Variants in EIF2AK2 observed in about 807,000 individuals in gnomAD.
The protein encoded by EIF2AK2 is interferon-induced, double-stranded RNA-activated protein kinase.
A neutral mutation model predicts 70.5 loss-of-function variants in EIF2AK2; 40 were observed. That is an observed-to-expected ratio of 0.57 (90% CI 0.44 to 0.74). The LOEUF (loss-of-function observed/expected upper bound fraction) is 0.74, where lower values mean the gene tolerates loss of function less well. Ranked by LOEUF, EIF2AK2 falls within the 30% of genes least tolerant of loss-of-function variation. The pLI is 0.00. For synonymous variants in EIF2AK2, 198 were observed against 220.9 expected (o/e 0.90, Z 0.92); for missense variants, 555 against 644.3 (o/e 0.86, Z 1.50).
chr2:37,116,535 A>G (rs930653457), intron 13 of EIF2AK2, among the ~76,000 whole-genome samples: 1 of 152,226 alleles, frequency 6.6e-6, no homozygotes. Context: ...CCTACCTAGT[A>G]AGGACCTAAG....
intron 5 of EIF2AK2, among the ~76,000 whole-genome samples, chr2:37,140,634 A>C (rs1035380341): frequency 6.7e-6 from 1 of 148,398 alleles, no homozygotes; most frequent in Non-Finnish European, 1.5e-5. Flanking sequence ...TCTTTCTTTT[A>C]GGTATCTAAT....
At chr2:37,138,664 C>T in intron 6 of EIF2AK2, 79 bp from the exon 7 acceptor site, 1 of 1,205,236 alleles carries the variant, frequency 8.3e-7, no homozygotes, top group Non-Finnish European at 1.2e-6. Context: ...TATGTACTAT[C>T]ACATTTATTT....
intron 13 of EIF2AK2, among the ~76,000 whole-genome samples, chr2:37,118,705 A>G (rs980737853): frequency 2.0e-5 from 3 of 152,222 alleles, no homozygotes; most frequent in Non-Finnish European, 2.9e-5. Flanking sequence ...TAGAAGAGAC[A>G]TATTGGAACC....
In EIF2AK2 at chr2:37,102,534, C is replaced by T. The variant is rs1028097616; in HGVS notation, c.*4739G>A. On this transcript the variant is annotated 3_prime_UTR_variant, in exon 17 of 17. Coordinates refer to ENST00000233057, the MANE Select transcript of EIF2AK2 (RefSeq NM_001135651.3). ...CTAGTTAGTTAACAGATAGTAGAGA[C>T]CTGGAAAAGCTTGTATGTAGCCTTT... 2.6e-5 allele frequency: 4 copies of T among 152,012 alleles called. No individual in the cohort carries two copies. The highest frequency in any genetic ancestry group is 4.8e-5 in the African/African-American group (2 of 41,368). The allele number at this position is 152,012 out of a possible 1,614,324, so 9.4% of individuals were successfully genotyped here.
chr2:37,138,784 G>A (rs555287498), intron 6 of EIF2AK2, among the ~76,000 whole-genome samples, 199 bp from the exon 7 acceptor site: 1 of 152,062 alleles, frequency 6.6e-6, no homozygotes, highest in Non-Finnish European at 1.5e-5. Context: ...CTGGATCACA[G>A]GGCAGATATT....
chr2:37,148,476 C>T (rs1354595303), intron 2 of EIF2AK2: 10 of 509,186 alleles, frequency 2.0e-5, no homozygotes, highest in Admixed American at 5.9e-5. Context: ...GTGATCAGCC[C>T]GTGACCTAGA....
chr2:37,139,581 T>A, intron 6 of EIF2AK2, 50 bp downstream of exon 6: 2 of 1,592,674 alleles, frequency 1.3e-6, no homozygotes, highest in Non-Finnish European at 1.7e-6. Context: ...TCAAGTCAAC[T>A]TCAGAGGGAA....
chr2:37,120,170 T>A (rs368406501), intron 12 of EIF2AK2, 31 bp from the exon 13 acceptor site: 13 of 1,265,194 alleles, frequency 1.0e-5, no homozygotes, highest in African/African-American at 1.6e-5. Flanking sequence ...ATGTTAAAAG[T>A]AACAATAAAT....
At chr2:37,147,129 A>G (rs1675573730) in intron 3 of EIF2AK2, among the ~76,000 whole-genome samples, 156 bp from the exon 4 acceptor site, 2 of 152,164 alleles carry the variant, frequency 1.3e-5, no homozygotes, top group South Asian at 4.1e-4. Context: ...GTAAAGCAGC[A>G]TGTCTTGTTG....
chr2:37,143,601 T>C (rs894885762), intron 4 of EIF2AK2, among the ~76,000 whole-genome samples: 2 of 152,046 alleles, frequency 1.3e-5, no homozygotes, highest in Non-Finnish European at 2.9e-5. Context: ...CAACTACTTA[T>C]AGCTGGGTGT....
intron 10 of EIF2AK2, among the ~76,000 whole-genome samples, chr2:37,127,517 A>T (rs1674784321): frequency 6.6e-6 from 1 of 152,010 alleles, no homozygotes; most frequent in Non-Finnish European, 1.5e-5. Flanking sequence ...CATTGCACTC[A>T]AAGCACACAC....
In EIF2AK2 at chr2:37,106,817, G is replaced by A. The variant is rs1166080240; in HGVS notation, c.*456C>T. The A allele has an allele frequency of 6.5e-6, 1 of 153,098 alleles. No individual in the cohort carries two copies. Among genetic ancestry groups the A allele is most frequent in the Non-Finnish European group, 1.5e-5 (1 of 68,830 alleles). The allele number at this position is 153,098 out of a possible 1,614,324, so 9.5% of individuals were successfully genotyped here. A position where few individuals can be genotyped will look rare whatever the true frequency, so the allele number is the denominator to read the frequency against. ...CCAGCACTTTGGGAGGCCGAGGCAGGTGGATTACTTGAGGTCAGGAGTTTG... is the reference window on the plus strand; with the variant it reads ...CCAGCACTTTGGGAGGCCGAGGCAGATGGATTACTTGAGGTCAGGAGTTTG... On this transcript the variant is annotated 3_prime_UTR_variant, in exon 17 of 17. Transcript: ENST00000233057.
At chr2:37,124,302 C>A (rs1296570640) in intron 11 of EIF2AK2, among the ~76,000 whole-genome samples, 1 of 152,094 alleles carries the variant, frequency 6.6e-6, no homozygotes, top group East Asian at 1.9e-4. Context: ...TGCTTTGTCG[C>A]CCAGGCTGGA....
chr2:37,103,493 G>A lies in EIF2AK2; in HGVS notation c.*3780C>T, dbSNP rs1483165346. 2.0e-5 allele frequency: 3 copies of A among 152,180 alleles called. No homozygotes were observed. Among genetic ancestry groups the A allele is most frequent in the African/African-American group, 7.2e-5 (3 of 41,442 alleles). The allele number at this position is 152,180 out of a possible 1,614,324, so 9.4% of individuals were successfully genotyped here. ...TTATAGGCGTGAGCCACCATGCCCA[G>A]CCAGAGTAGGAATATTAAAATGAGG... On this transcript the variant is annotated 3_prime_UTR_variant, in exon 17 of 17. Coordinates refer to ENST00000233057, the MANE Select transcript of EIF2AK2 (RefSeq NM_001135651.3).
chr2:37,128,553 T>C (rs1002894482), intron 10 of EIF2AK2, among the ~76,000 whole-genome samples: 3 of 152,216 alleles, frequency 2.0e-5, no homozygotes, highest in Non-Finnish European at 2.9e-5. Flanking sequence ...GATAGTGCAA[T>C]GTCAATTAAA....
Position 37,107,032 on chromosome 2 carries a change from A to T in EIF2AK2, c.*241T>A. 3.1e-6 allele frequency: 1 copy of T among 323,942 alleles called. No individual in the cohort carries two copies. The highest frequency in any genetic ancestry group is 5.0e-6 in the Non-Finnish European group (1 of 200,854). 20.1% of individuals were successfully genotyped at this position (323,942 alleles called of 1,614,324 possible). A position where few individuals can be genotyped will look rare whatever the true frequency, so the allele number is the denominator to read the frequency against. ...ACTCCAGCCTGGGCAACAGAGCGAG[A>T]CTCTGTCTTTAAAAAAAAAAAAAGA... On this transcript the variant is annotated 3_prime_UTR_variant, in exon 17 of 17. Coordinates refer to ENST00000233057, the MANE Select transcript of EIF2AK2 (RefSeq NM_001135651.3).
Position 37,135,537 on chromosome 2 carries a change from T to G in EIF2AK2, c.732A>C (p.Ala244=). 1 of 1,610,218 alleles carries G rather than the reference T, an allele frequency of 6.2e-7. No homozygotes were observed. Among genetic ancestry groups the G allele is most frequent in the Non-Finnish European group, 8.5e-7 (1 of 1,178,376 alleles). Residue 244 remains alanine, a synonymous_variant, in exon 10 of 17, where the codon GCA becomes GCC. Coordinates refer to ENST00000233057, the MANE Select transcript of EIF2AK2 (RefSeq NM_001135651.3). ...NNQRKAKRSL[A]PRFDLPDMKE... ...TCATGTCAGGAAGGTCAAATCTGGG[T>G]GCCAAAGATCTAAAAATTAAGAGTT... is the stretch of plus-strand genomic sequence containing the variant.
chr2:37,151,730 T>C (rs909498564), intron 1 of EIF2AK2, among the ~76,000 whole-genome samples: 1 of 151,296 alleles, frequency 6.6e-6, no homozygotes, highest in African/African-American at 2.4e-5. Flanking sequence ...GTGAAATATA[T>C]CTACACAGCG....
At chr2:37,115,693 G>A (rs1224342323) in intron 13 of EIF2AK2, among the ~76,000 whole-genome samples, 1 of 151,848 alleles carries the variant, frequency 6.6e-6, no homozygotes, top group Non-Finnish European at 1.5e-5. Context: ...TCTCGGAATG[G>A]GTCCATTCCC....
Sources: allele counts gnomAD v4.1 joint callset (sites outside exome capture counted in the v4.1 genomes callset), GRCh38; gene constraint gnomAD v4.1.1; transcripts MANE v1.5; gene names NCBI Gene and HGNC (gene_info 2026-07-23, HGNC 2026-07-21).